Variants in ABI2 observed in about 807,000 individuals in gnomAD.
The protein encoded by ABI2 is abelson interactor 2.
In ABI2, 25 loss-of-function variants were observed where a neutral mutation model predicts 59.2. The observed-to-expected ratio is 0.42, with a 90% CI of 0.31 to 0.59. The LOEUF (loss-of-function observed/expected upper bound fraction) is 0.59, where lower values mean the gene tolerates loss of function less well. Ranked by LOEUF, ABI2 falls within the 20% of genes least tolerant of loss-of-function variation. The pLI, the probability that ABI2 is intolerant of heterozygous loss-of-function variation, is 0.14. For synonymous variants in ABI2, 213 were observed against 235.5 expected (o/e 0.90, Z 0.87); for missense variants, 545 against 681.8 (o/e 0.80, Z 2.23).
At position 203,428,009 on chromosome 2, in the gene ABI2, T is replaced by G. The variant is rs1045564099; in HGVS notation, c.*657T>G. ...ATAAGGATGATGAAATGTGAAAGTC[T>G]CCCAACACTCTGAGGGTGGTGAACG... On this transcript the variant is annotated 3_prime_UTR_variant, in exon 12 of 12. Transcript: ENST00000261018. The G allele has an allele frequency of 1.3e-5, 2 of 152,230 alleles. No homozygotes were observed. Among genetic ancestry groups the G allele is most frequent in the African/African-American group, 4.8e-5 (2 of 41,458 alleles). The allele number at this position is 152,230 out of a possible 1,614,324, so 9.4% of individuals were successfully genotyped here.
chr2:203,412,905 A>G (rs1325413156), intron 10 of ABI2, among the ~76,000 whole-genome samples: 1 of 152,244 alleles, frequency 6.6e-6, no homozygotes, highest in East Asian at 1.9e-4. Context: ...GGACTTTCCA[A>G]TGCTGGTTCC....
intron 11 of ABI2, among the ~76,000 whole-genome samples, chr2:203,420,696 A>G (rs1379521823): frequency 6.6e-6 from 1 of 152,044 alleles, no homozygotes; most frequent in Non-Finnish European, 1.5e-5. Flanking sequence ...CCCAGCCGAC[A>G]GTCCCTTATC....
intron 1 of ABI2, among the ~76,000 whole-genome samples, chr2:203,363,927 G>A (rs2093937232): frequency 6.6e-6 from 1 of 151,644 alleles, no homozygotes. Context: ...ACCATGCCTG[G>A]CTAATTTTGT....
At position 203,391,032 on chromosome 2, in the gene ABI2, T is replaced by C; in HGVS notation, c.481-14T>C. On this transcript the variant is annotated splice_polypyrimidine_tract_variant and intron_variant, in intron 4 of 11. Coordinates refer to ENST00000261018, the MANE Select transcript of ABI2 (RefSeq NM_001375670.1). ...TCACTGCATACAAGTTGAGTTTTCC[T>C]TAAAATTTTTTAGGTGAGTACCCAG... is the stretch of plus-strand genomic sequence containing the variant. 6.2e-7 allele frequency: 1 copy of C among 1,611,602 alleles called. No individual in the cohort carries two copies. Among genetic ancestry groups the C allele is most frequent in the Non-Finnish European group, 8.5e-7 (1 of 1,178,376 alleles).
chr2:203,366,756 AT>A, intron 1 of ABI2, 120 bp from the exon 2 acceptor site: 1 of 928,842 alleles, frequency 1.1e-6, no homozygotes, highest in Non-Finnish European at 1.5e-6. Flanking sequence ...ATTCTGGTGG[AT>A]TAGTTTTTTT....
At position 203,431,119 on chromosome 2, in the gene ABI2, G is replaced by A. The variant is rs1367203813; in HGVS notation, c.*3767G>A. The A allele has an allele frequency of 1.3e-5, 2 of 152,156 alleles. No individual in the cohort carries two copies. Among genetic ancestry groups the A allele is most frequent in the Non-Finnish European group, 2.9e-5 (2 of 68,022 alleles). The allele number at this position is 152,156 out of a possible 1,614,324, so 9.4% of individuals were successfully genotyped here. A position where few individuals can be genotyped will look rare whatever the true frequency, so the allele number is the denominator to read the frequency against. Reference sequence around the variant, plus strand: ...GCTCACTTCTGGTCTTTTTGGCCGGGAACTCCTGATTGGTGTTAAGGTGGT... The same window carrying A: ...GCTCACTTCTGGTCTTTTTGGCCGGAAACTCCTGATTGGTGTTAAGGTGGT... On this transcript the variant is annotated 3_prime_UTR_variant, in exon 12 of 12. Coordinates refer to ENST00000261018, the MANE Select transcript of ABI2 (RefSeq NM_001375670.1).
At position 203,328,618 on chromosome 2, in the gene ABI2, A is replaced by G. The variant is rs1003154971; in HGVS notation, c.104A>G (p.Asn35Ser). ...GAACGGGTGGCCGATTACTGCGAGA[A>G]CAACTACATACAGGTGCGAAGCATC... ...NLERVADYCE[N>S]NYIQSADKQR... The change falls in exon 1 of 12, where the codon AAC becomes AGC. Residue 35 changes from asparagine to serine, a missense_variant. Around this residue, in one of 4 missense-constraint regions of ABI2, gnomAD observed 55 missense variants for 59.7 expected, o/e 0.92. Coordinates refer to ENST00000261018, the MANE Select transcript of ABI2 (RefSeq NM_001375670.1). 1.3e-6 allele frequency: 2 copies of G among 1,596,242 alleles called. No homozygotes were observed. The highest frequency in any genetic ancestry group is 1.7e-5 in the Admixed American group (1 of 58,376).
chr2:203,395,154 AT>A (rs2096921472), intron 6 of ABI2: 6 of 700,966 alleles, frequency 8.6e-6, no homozygotes, highest in Non-Finnish European at 1.6e-5. Context: ...AACTTTACAG[AT>A]GAAAAACTAT....
intron 5 of ABI2, among the ~76,000 whole-genome samples, chr2:203,392,341 ACAAAAC>A (rs2096792891): frequency 6.9e-6 from 1 of 144,978 alleles, no homozygotes; most frequent in South Asian, 2.2e-4. Context: ...AACAACAACA[ACAAAAC>A]AACCACAAAC....
At chr2:203,387,069 TTTTTTTTC>T (rs2096558061) in intron 4 of ABI2, among the ~76,000 whole-genome samples, 1 of 125,048 alleles carries the variant, frequency 8.0e-6, no homozygotes, top group Non-Finnish European at 1.7e-5. Flanking sequence ...TTTTTTTTTT[TTTTTTTTC>T]CCCACATGCC....
Position 203,380,289 on chromosome 2 carries a change from A to G in ABI2, c.367A>G (p.Lys123Glu). The change falls in exon 3 of 12, where the codon AAG becomes GAG. Residue 123 changes from lysine (K) to glutamate (E), a missense_variant. Physicochemically the swap from Lys to Glu is moderately conservative, Grantham distance 56 (BLOSUM62 1). This residue lies in a region of ABI2 where 410 missense variants were observed against 435.6 expected (regional missense o/e 0.94). Coordinates refer to ENST00000261018, the MANE Select transcript of ABI2 (RefSeq NM_001375670.1). ...TTNKNTSRTH[K>E]IIAPANLERP... Reference sequence around the variant, plus strand: ...CAATAAAAACACTTCAAGGACACATAAGATTATTGCTCCAGCCAACCTTGA... The same window carrying G: ...CAATAAAAACACTTCAAGGACACATGAGATTATTGCTCCAGCCAACCTTGA... 6.2e-7 allele frequency: 1 copy of G among 1,609,796 alleles called. No individual in the cohort carries two copies. Among genetic ancestry groups the G allele is most frequent in the Non-Finnish European group, 8.5e-7 (1 of 1,178,074 alleles).
At chr2:203,358,142 G>A (rs1173556551) in intron 1 of ABI2, among the ~76,000 whole-genome samples, 1 of 143,412 alleles carries the variant, frequency 7.0e-6, no homozygotes, top group African/African-American at 2.7e-5. Context: ...TTTGAGACAG[G>A]GCCTTGCTCT....
intron 8 of ABI2, among the ~76,000 whole-genome samples, chr2:203,398,594 A>G (rs952909469): frequency 6.6e-6 from 1 of 152,302 alleles, no homozygotes; most frequent in South Asian, 2.1e-4. Context: ...CCTTTATACC[A>G]TATATGTTTG....
intron 8 of ABI2, among the ~76,000 whole-genome samples, chr2:203,401,727 GA>G (rs1382118932): frequency 7.9e-5 from 12 of 152,004 alleles, no homozygotes; most frequent in African/African-American, 2.9e-4. Context: ...TTTCGTGGTA[GA>G]TTTTTTTGAT....
chr2:203,422,633 A>G (rs1291063549), intron 11 of ABI2, among the ~76,000 whole-genome samples: 1 of 152,204 alleles, frequency 6.6e-6, no homozygotes, highest in African/African-American at 2.4e-5. Context: ...GGTAATCATC[A>G]TTGCCAAACA....
intron 1 of ABI2, among the ~76,000 whole-genome samples, chr2:203,349,045 G>C (rs1306299343): frequency 1.3e-5 from 2 of 151,346 alleles, no homozygotes; most frequent in African/African-American, 4.9e-5. Context: ...TGATTCTCCT[G>C]CCTCAGCCTC....
intron 1 of ABI2, among the ~76,000 whole-genome samples, chr2:203,334,908 G>T (rs1437430533): frequency 6.6e-6 from 1 of 152,098 alleles, no homozygotes; most frequent in Non-Finnish European, 1.5e-5. Context: ...TGATCCGCCC[G>T]CCTCGGCCTC....
intron 4 of ABI2, among the ~76,000 whole-genome samples, chr2:203,388,617 G>T (rs989116479): frequency 1.8e-4 from 27 of 152,076 alleles, no homozygotes; most frequent in Non-Finnish European, 2.9e-5. Flanking sequence ...GGAGGTGGAG[G>T]TTGTAGTGAG....
intron 2 of ABI2, among the ~76,000 whole-genome samples, chr2:203,373,632 A>C (rs967928183): frequency 6.6e-6 from 1 of 152,248 alleles, no homozygotes; most frequent in Non-Finnish European, 1.5e-5. Context: ...AAAAAGATTA[A>C]GCAAGGTCAA....
Sources: gnomAD v4.1 joint callset for allele counts (sites outside exome capture counted in the v4.1 genomes callset) on GRCh38, gnomAD v4.1.1 for gene constraint, gnomAD v4.1.1 regional missense constraint, MANE v1.5 for transcripts, NCBI Gene and HGNC (gene_info 2026-07-23, HGNC 2026-07-21) for gene names.